The following SGCD variants were observed in gnomAD, a reference collection of about 807,000 sequenced individuals.
SGCD encodes sarcoglycan delta.
A neutral mutation model predicts 36.6 loss-of-function variants in SGCD; 18 were observed. The observed-to-expected ratio is 0.49, with a 90% CI of 0.34 to 0.73. The LOEUF (loss-of-function observed/expected upper bound fraction) is 0.73. Among genes scored for constraint, SGCD ranks in the 30% least tolerant of loss-of-function variants. SGCD has a pLI of 0.01. For missense variants in SGCD, 387 were observed against 346.7 expected (o/e 1.12, Z -0.92); for synonymous variants, 133 against 130.6 (o/e 1.02, Z -0.12).
At chr5:156,108,563 T>C (rs1426450102) in intron 1 of SGCD, among the ~76,000 whole-genome samples, 1 of 152,222 alleles carries the variant, frequency 6.6e-6, no homozygotes, top group East Asian at 1.9e-4. Context: ...ATATGGAATA[T>C]ATCTTTATGA....
intron 3 of SGCD, among the ~76,000 whole-genome samples, chr5:156,243,163 G>A (rs1765347042): frequency 6.6e-6 from 1 of 152,220 alleles, no homozygotes; most frequent in African/African-American, 2.4e-5. Flanking sequence ...AGCTTGGAAT[G>A]GGGAGTTGGG....
At chr5:156,037,414 G>A (rs1327175199) in intron 1 of SGCD, among the ~76,000 whole-genome samples, 2 of 152,142 alleles carry the variant, frequency 1.3e-5, no homozygotes, top group African/African-American at 2.4e-5. Flanking sequence ...CCAGTCCCAG[G>A]CATTTCTTCA....
chr5:156,116,337 C>T (rs894578329), intron 1 of SGCD, among the ~76,000 whole-genome samples: 3 of 151,942 alleles, frequency 2.0e-5, no homozygotes, highest in Non-Finnish European at 2.9e-5. Context: ...CCTTAATTTG[C>T]ATTTCTCTTA....
intron 3 of SGCD, among the ~76,000 whole-genome samples, chr5:156,301,121 G>A (rs1279269051): frequency 6.6e-6 from 1 of 151,852 alleles, no homozygotes; most frequent in Admixed American, 6.6e-5. Flanking sequence ...ACTTGCTCCT[G>A]CCATTTTGTT....
At chr5:155,860,627 T>C in the SGCD span, among the ~76,000 whole-genome samples, 1 of 152,174 alleles carries the variant, frequency 6.6e-6, no homozygotes, top group Non-Finnish European at 1.5e-5. Context: ...ATTCCCTCTT[T>C]TTGCAAGCTG....
Position 156,701,101 on chromosome 5 carries a change from C to T in SGCD, c.575+53565C>T, listed in dbSNP as rs574351964. 3.2e-3 allele frequency among the ~76,000 whole-genome samples: 481 copies of T among 152,212 alleles called. 3 individuals are homozygous for T. The highest frequency in any genetic ancestry group is 0.011 in the African/African-American group (464 of 41,530). On this transcript the variant is annotated intron_variant, in intron 7 of 8. Transcript: ENST00000337851. ...CTGCTGATGACTCTTCATTACTTACCTGTAGCCCAGGACTTCTCCTGTGGA... is the reference window on the plus strand; with the variant it reads ...CTGCTGATGACTCTTCATTACTTACTTGTAGCCCAGGACTTCTCCTGTGGA...
At chr5:156,422,618 A>G (rs1411757751) in intron 3 of SGCD, among the ~76,000 whole-genome samples, 1 of 151,968 alleles carries the variant, frequency 6.6e-6, no homozygotes, top group Non-Finnish European at 1.5e-5. Flanking sequence ...ATGGTATATA[A>G]TTTTTCAGTT....
chr5:155,971,562 G>A (rs1393074272), intron 1 of SGCD, among the ~76,000 whole-genome samples: 1 of 151,996 alleles, frequency 6.6e-6, no homozygotes, highest in African/African-American at 2.4e-5. Context: ...CATAAGATTG[G>A]CAGACAATTG....
chr5:156,674,851 A>T (rs763388526), intron 7 of SGCD, among the ~76,000 whole-genome samples: 3 of 152,214 alleles, frequency 2.0e-5, no homozygotes, highest in Non-Finnish European at 2.9e-5. Context: ...ATAGTGGTTT[A>T]TAAATTTCAA....
At chr5:156,172,985 T>G (rs1763378953) in intron 3 of SGCD, among the ~76,000 whole-genome samples, 1 of 152,138 alleles carries the variant, frequency 6.6e-6, no homozygotes, top group South Asian at 2.1e-4. Context: ...TTGCCAAATT[T>G]TATATACATT....
At chr5:156,021,083 G>A (rs1759085959) in intron 1 of SGCD, among the ~76,000 whole-genome samples, 1 of 152,038 alleles carries the variant, frequency 6.6e-6, no homozygotes, top group African/African-American at 2.4e-5. Context: ...GAAATCACTG[G>A]GGAAAAAATC....
At chr5:155,762,275 T>C in the SGCD span, among the ~76,000 whole-genome samples, 4 of 152,106 alleles carry the variant, frequency 2.6e-5, no homozygotes, top group South Asian at 2.1e-4. Context: ...CAAATCACAA[T>C]TGGAATTTAG....
Position 156,140,352 on chromosome 5 carries a change from G to A in SGCD, c.-44+16333G>A, listed in dbSNP as rs746925419. Among the ~76,000 whole-genome samples the A allele has an allele frequency of 5.3e-5, 8 of 152,298 alleles. No individual in the cohort carries two copies. In the South Asian group the frequency reaches 1.2e-3, roughly 24 times the overall value. ...AGGGGCTCAGAAGAAGAGAGATGTC[G>A]AGAAAGGCTGTCTTAAAGATGATCT... On this transcript the variant is annotated intron_variant, in intron 3 of 9. Transcript: ENST00000517913.
At position 156,653,033 on chromosome 5, in the gene SGCD, CA is replaced by C. The variant is rs763645647; in HGVS notation, c.575+5498del. ...TGAGGATTTTTGCATGTGTGTTCAT[CA>C]GGGATATTAACCTGCAGATTTCTTT... On this transcript the variant is annotated intron_variant, in intron 7 of 8. Coordinates refer to ENST00000337851, the MANE Select transcript of SGCD (RefSeq NM_000337.6). Among the ~76,000 whole-genome samples, 119 of 152,080 alleles carry C rather than the reference CA, an allele frequency of 7.8e-4. 1 individual carries two copies. Among genetic ancestry groups the C allele is most frequent in the Admixed American group, 1.3e-3 (20 of 15,242 alleles).
chr5:156,148,400 G>C (rs1762756917), intron 3 of SGCD, among the ~76,000 whole-genome samples: 1 of 152,072 alleles, frequency 6.6e-6, no homozygotes, highest in African/African-American at 2.4e-5. Flanking sequence ...AAGTTGAGTG[G>C]TCCTGGCAGC....
At chr5:156,130,249 G>A (rs1205606910) in intron 3 of SGCD, among the ~76,000 whole-genome samples, 1 of 152,096 alleles carries the variant, frequency 6.6e-6, no homozygotes, top group Non-Finnish European at 1.5e-5. Flanking sequence ...CATTGATATT[G>A]AGCTTTTTTT....
chr5:156,366,965 A>C (rs76524654), intron 3 of SGCD, among the ~76,000 whole-genome samples: 5,262 of 152,312 alleles, frequency 0.035, 237 homozygotes, highest in African/African-American at 0.097. Flanking sequence ...GAAATCTAAG[A>C]TGCTTTCTCA....
At chr5:156,631,594 G>A (rs1762637003) in intron 6 of SGCD, among the ~76,000 whole-genome samples, 1 of 150,758 alleles carries the variant, frequency 6.6e-6, no homozygotes, top group Admixed American at 6.7e-5. Flanking sequence ...ACTATTAAAG[G>A]CTCACAAAAT....
the SGCD span, among the ~76,000 whole-genome samples, chr5:155,753,406 G>A: frequency 4.6e-5 from 7 of 151,942 alleles, no homozygotes; most frequent in Non-Finnish European, 4.4e-5. Flanking sequence ...TGTTATCAAA[G>A]TACCTGGACT....
Sources: allele counts gnomAD v4.1 joint callset (sites outside exome capture counted in the v4.1 genomes callset), GRCh38; gene constraint gnomAD v4.1.1; transcripts MANE v1.5; gene names NCBI Gene and HGNC (gene_info 2026-07-23, HGNC 2026-07-21).